The following VPS13A variants were observed in gnomAD, a reference collection of about 807,000 sequenced individuals.
The protein encoded by VPS13A is intermembrane lipid transfer protein VPS13A.
A neutral mutation model predicts 390.9 loss-of-function variants in VPS13A; 264 were observed. The observed-to-expected ratio is 0.68, with a 90% CI of 0.61 to 0.75. The LOEUF is 0.75. VPS13A is among the 30% of genes least tolerant of loss of function. The pLI is 0.00. For synonymous variants in VPS13A, 1,231 were observed against 1,227.1 expected (o/e 1.00, Z -0.07); for missense variants, 3,409 against 3,733.9 (o/e 0.91, Z 2.27).
rs1235588196 is a variant in VPS13A at position 77,321,506 on chromosome 9, G to T, written c.5590G>T (p.Ala1864Ser). The change falls in exon 44 of 72, where the codon GCC becomes TCC. Residue 1864 changes from alanine to serine, a missense_variant. By Grantham distance (99) the Ala-to-Ser change is moderately conservative. Transcript: ENST00000360280. ...TTCTTATTAGGCATTTACAGAAGCT[G>T]CCACTGGATCTTCAGCTGACTTCGT... ...NNLVKAFTEAATGSSADFVKD... is the reference protein window; with the variant it reads ...NNLVKAFTEASTGSSADFVKD... 3 of 1,613,264 alleles carry T rather than the reference G, an allele frequency of 1.9e-6. No homozygotes were observed. Among genetic ancestry groups the T allele is most frequent in the African/African-American group, 2.7e-5 (2 of 74,874 alleles).
intron 3 of VPS13A, among the ~76,000 whole-genome samples, chr9:77,202,330 A>T (rs1267539118): frequency 2.0e-5 from 3 of 151,920 alleles, no homozygotes; most frequent in African/African-American, 7.2e-5. Context: ...TAACATTTTA[A>T]TTTTTTCATA....
At chr9:77,222,569 T>G (rs1380953509) in intron 13 of VPS13A, among the ~76,000 whole-genome samples, 1 of 152,234 alleles carries the variant, frequency 6.6e-6, no homozygotes, top group African/African-American at 2.4e-5. Context: ...AATTGAAGGT[T>G]TGTGGCAACA....
At chr9:77,291,311 C>G (rs558926237) in intron 31 of VPS13A, among the ~76,000 whole-genome samples, 2 of 152,302 alleles carry the variant, frequency 1.3e-5, no homozygotes, top group East Asian at 1.9e-4. Flanking sequence ...TCCAACCCCC[C>G]AGCCCCACTT....
At chr9:77,373,067 A>G (rs1232475151) in intron 67 of VPS13A, among the ~76,000 whole-genome samples, 1 of 152,168 alleles carries the variant, frequency 6.6e-6, no homozygotes, top group Non-Finnish European at 1.5e-5. Flanking sequence ...TGCCCAAGGT[A>G]ATTTACAGAT....
chr9:77,400,889 A>G (rs1834359745), intron 68 of VPS13A, among the ~76,000 whole-genome samples: 1 of 151,944 alleles, frequency 6.6e-6, no homozygotes, highest in Admixed American at 6.6e-5. Context: ...GTTATTTTCT[A>G]TACTTAAATC....
chr9:77,213,693 G>T (rs1465685161), intron 9 of VPS13A, among the ~76,000 whole-genome samples: 1 of 151,842 alleles, frequency 6.6e-6, no homozygotes, highest in East Asian at 1.9e-4. Flanking sequence ...GTAGAGACAA[G>T]GTCTCACTTT....
At chr9:77,238,463 A>T in intron 19 of VPS13A, 77 bp downstream of exon 19, 1 of 1,086,516 alleles carries the variant, frequency 9.2e-7, no homozygotes, top group Non-Finnish European at 1.4e-6. Context: ...GAATGTTTTT[A>T]GTAAAGTTTA....
At chr9:77,207,241 A>ACACG (rs1455995422) in intron 5 of VPS13A, among the ~76,000 whole-genome samples, 1 of 110,884 alleles carries the variant, frequency 9.0e-6, no homozygotes, top group Non-Finnish European at 1.9e-5. Context: ...ATATATATAT[A>ACACG]TATATATATA....
intron 1 of VPS13A, among the ~76,000 whole-genome samples, chr9:77,198,614 G>A (rs929693053): frequency 1.2e-4 from 18 of 152,028 alleles, no homozygotes; most frequent in Admixed American, 3.9e-4. Context: ...GAGCCAAAGT[G>A]AGTTTCTTGT....
At chr9:77,395,888 C>T (rs1319711190) in intron 68 of VPS13A, 1 of 152,042 alleles carries the variant, frequency 6.6e-6, no homozygotes, top group Non-Finnish European at 1.5e-5. Context: ...GTAGTTAAAA[C>T]ACCATGACAG....
chr9:77,339,481 T>TA (rs1830699341), intron 47 of VPS13A, 35 bp from the exon 48 acceptor site: 3 of 1,501,852 alleles, frequency 2.0e-6, no homozygotes, highest in Non-Finnish European at 8.9e-7. Flanking sequence ...TGCAACATTT[T>TA]AAATTTTGTT....
intron 22 of VPS13A, among the ~76,000 whole-genome samples, chr9:77,252,978 A>G (rs562045079): frequency 6.6e-6 from 1 of 152,212 alleles, no homozygotes; most frequent in Non-Finnish European, 1.5e-5. Flanking sequence ...TGATTTCAGT[A>G]TTTTTGGGTG....
At chr9:77,270,264 A>G (rs951965969) in intron 23 of VPS13A, among the ~76,000 whole-genome samples, 16 of 152,236 alleles carry the variant, frequency 1.1e-4, no homozygotes, top group African/African-American at 3.9e-4. Flanking sequence ...GATATAAAAT[A>G]TGGACGTTCA....
chr9:77,376,178 C>T (rs1174336501), intron 67 of VPS13A, among the ~76,000 whole-genome samples: 1 of 152,114 alleles, frequency 6.6e-6, no homozygotes, highest in Non-Finnish European at 1.5e-5. Context: ...TGTGCTTGGC[C>T]TATTTGAGAA....
intron 45 of VPS13A, among the ~76,000 whole-genome samples, chr9:77,329,429 C>G (rs1392935854): frequency 2.0e-5 from 3 of 152,078 alleles, no homozygotes; most frequent in Non-Finnish European, 4.4e-5. Flanking sequence ...ACATGTGCCT[C>G]TTCTTTTTAT....
rs532037008 is a variant in VPS13A, at chr9:77,417,766, A to C, written c.*1760A>C. The C allele has an allele frequency of 6.6e-6, 1 of 152,358 alleles. No homozygotes were observed. The highest frequency in any genetic ancestry group is 2.1e-4 in the South Asian group (1 of 4,834). The allele number at this position is 152,358 out of a possible 1,614,324, so 9.4% of individuals were successfully genotyped here. A position where few individuals can be genotyped will look rare whatever the true frequency, so the allele number is the denominator to read the frequency against. On this transcript the variant is annotated 3_prime_UTR_variant, in exon 72 of 72. Coordinates refer to ENST00000360280, the MANE Select transcript of VPS13A (RefSeq NM_033305.3). ...GTGTCGTGAAGTAGAAAAGCCTTACATAAATAGTAAACATAGAAATTCTTC... is the reference window on the plus strand; with the variant it reads ...GTGTCGTGAAGTAGAAAAGCCTTACCTAAATAGTAAACATAGAAATTCTTC...
chr9:77,349,374 G>A (rs974991821), intron 52 of VPS13A, among the ~76,000 whole-genome samples: 16 of 151,936 alleles, frequency 1.1e-4, no homozygotes, highest in Non-Finnish European at 1.8e-4. Flanking sequence ...CATGTCACGG[G>A]GTTTTGGTAT....
intron 1 of VPS13A, among the ~76,000 whole-genome samples, chr9:77,193,843 A>G (rs1824830357): frequency 6.6e-6 from 1 of 152,036 alleles, no homozygotes; most frequent in Non-Finnish European, 1.5e-5. Flanking sequence ...CAAGGGTTTG[A>G]CCTTGATATA....
chr9:77,268,812 C>T (rs1364981098), intron 23 of VPS13A, among the ~76,000 whole-genome samples: 4 of 151,878 alleles, frequency 2.6e-5, no homozygotes, highest in African/African-American at 7.3e-5. Context: ...TGGTGGTGGG[C>T]ATCTGTAATC....
Sources: allele counts gnomAD v4.1 joint callset (sites outside exome capture counted in the v4.1 genomes callset), GRCh38; gene constraint gnomAD v4.1.1; transcripts MANE v1.5; gene names NCBI Gene and HGNC (gene_info 2026-07-23, HGNC 2026-07-21).